Variants in NUP133 observed in about 807,000 individuals in gnomAD.
The protein encoded by NUP133 is nuclear pore complex protein Nup133.
NUP133 carries 66 observed loss-of-function variants against 146.2 expected under a neutral mutation model. That is an observed-to-expected ratio of 0.45 (90% CI 0.37 to 0.55). The LOEUF is 0.55. NUP133 is among the 20% of genes least tolerant of loss of function. The pLI is 0.00. For synonymous variants in NUP133, 521 were observed against 498.8 expected (o/e 1.04, Z -0.59); for missense variants, 1,277 against 1,374.8 (o/e 0.93, Z 1.12).
intron 13 of NUP133, 110 bp from the exon 14 acceptor site, chr1:229,475,842 G>A: frequency 1.2e-6 from 1 of 823,810 alleles, no homozygotes; most frequent in Non-Finnish European, 2.0e-6. Flanking sequence ...AGGCACGGTG[G>A]CTCACACCTG....
intron 19 of NUP133, among the ~76,000 whole-genome samples, chr1:229,461,336 G>C (rs191662238): frequency 1.3e-5 from 2 of 152,342 alleles, no homozygotes; most frequent in East Asian, 3.9e-4. Flanking sequence ...GGGTGGTGTG[G>C]AGGCTGAGCT....
rs781272764 is a variant in NUP133, at chr1:229,465,426, A to G, written c.2293T>C (p.Trp765Arg). The change falls in exon 17 of 26, where the codon TGG becomes CGG. Residue 765 changes from tryptophan (W) to arginine (R), a missense_variant. Coordinates refer to ENST00000261396, the MANE Select transcript of NUP133 (RefSeq NM_018230.3). The stretch of plus-strand genomic sequence containing the variant: ...TAATAAATCAGTATATTACCCGTCC[A>G]TGGAACATATTCAGGTTCTTTTTCT... ...SLEKEPEYVP[W>R]TATSGPGGIR... 1 of 1,602,716 alleles carries G rather than the reference A, an allele frequency of 6.2e-7. No individual in the cohort carries two copies. The highest frequency in any genetic ancestry group is 8.5e-7 in the Non-Finnish European group (1 of 1,169,782).
chr1:229,470,098 T>C (rs1193825337), intron 15 of NUP133, among the ~76,000 whole-genome samples: 3 of 152,094 alleles, frequency 2.0e-5, no homozygotes, highest in Non-Finnish European at 4.4e-5. Context: ...AGCTCACGCC[T>C]GTAATCCCAG....
intron 9 of NUP133, among the ~76,000 whole-genome samples, chr1:229,488,131 C>T (rs1007921248): frequency 6.6e-6 from 1 of 152,094 alleles, no homozygotes; most frequent in African/African-American, 2.4e-5. Flanking sequence ...CAGGCGTGAG[C>T]CACCGCACCT....
At chr1:229,450,381 T>C (rs1660420695) in intron 23 of NUP133, 144 bp downstream of exon 23, 1 of 445,910 alleles carries the variant, frequency 2.2e-6, no homozygotes, top group Admixed American at 4.4e-5. Flanking sequence ...GAAGAGTTGT[T>C]TACATTCTAA....
chr1:229,451,405 TAA>T (rs35510293), intron 22 of NUP133, among the ~76,000 whole-genome samples: 1 of 150,794 alleles, frequency 6.6e-6, no homozygotes, highest in Admixed American at 6.6e-5. Context: ...ATCTTGTCTC[TAA>T]AAAAAAATTG....
chr1:229,487,541 T>C lies in NUP133; in HGVS notation c.1267A>G (p.Ser423Gly). The change falls in exon 10 of 26, where the codon AGT becomes GGT. Residue 423 changes from serine (S) to glycine (G), a missense_variant. By Grantham distance (56) the Ser-to-Gly change is moderately conservative. Around this residue, in one of 3 missense-constraint regions of NUP133, gnomAD observed 952 missense variants for 1,047.0 expected, o/e 0.91. Coordinates refer to ENST00000261396, the MANE Select transcript of NUP133 (RefSeq NM_018230.3). ...SNQTAYLYNESAVYVCSTGTG... is the reference protein window; with the variant it reads ...SNQTAYLYNEGAVYVCSTGTG... ...CCTGTGGAGCACACATAGACAGCAC[T>C]TTCGTTATACAGATAGGCAGTCTGG... The C allele has an allele frequency of 1.2e-6, 2 of 1,613,812 alleles. No individual in the cohort carries two copies. The highest frequency in any genetic ancestry group is 1.7e-6 in the Non-Finnish European group (2 of 1,179,836).
intron 8 of NUP133, 131 bp downstream of exon 8, chr1:229,495,364 C>T: frequency 1.5e-6 from 1 of 660,854 alleles, no homozygotes; most frequent in Non-Finnish European, 2.6e-6. Flanking sequence ...GTATTCCAGC[C>T]CGGGTGATAG....
intron 5 of NUP133, 56 bp from the exon 6 acceptor site, chr1:229,498,362 T>C (rs1661710408): frequency 1.0e-5 from 13 of 1,273,364 alleles, no homozygotes; most frequent in Non-Finnish European, 1.4e-5. Context: ...TAAGATAAAA[T>C]GAAAAATTCT....
At position 229,442,039 on chromosome 1, in the gene NUP133, G is replaced by A; in HGVS notation, c.3336C>T (p.Gly1112=). ...CCGGTAAGTACTCACTGAGCTGAAT[G>A]CCTATAAACACAAACACAAGAAGTC... ...VKILQKLLKD[G]IQLSEYLPEV... The change falls in exon 26 of 26, where the codon GGC becomes GGT. Residue 1112 remains glycine, a splice_region_variant and synonymous_variant. Coordinates refer to ENST00000261396, the MANE Select transcript of NUP133 (RefSeq NM_018230.3). 1 of 1,557,396 alleles carries A rather than the reference G, an allele frequency of 6.4e-7. No individual in the cohort carries two copies.
At position 229,508,094 on chromosome 1, in the gene NUP133, G is replaced by T; in HGVS notation, c.156C>A (p.Val52=). The change falls in exon 1 of 26, where the codon GTC becomes GTA. Residue 52 remains valine, a synonymous_variant. Coordinates refer to ENST00000261396, the MANE Select transcript of NUP133 (RefSeq NM_018230.3). ...GCGAGCTTAGCGAGCTACGCCGGCC[G>T]ACCGGCGAGAAGAGCACTGGGGAGC... ...AVSSPVLFSP[V]GRRSSLSSRG... The T allele has an allele frequency of 6.6e-7, 1 of 1,504,920 alleles. No homozygotes were observed. The allele number at this position is 1,504,920 out of a possible 1,614,324, so 93.2% of individuals were successfully genotyped here.
At chr1:229,461,116 G>A (rs537512193) in intron 19 of NUP133, among the ~76,000 whole-genome samples, 1 of 152,286 alleles carries the variant, frequency 6.6e-6, no homozygotes, top group South Asian at 2.1e-4. Context: ...CATTTCAAGT[G>A]CTCAGTAGCC....
intron 24 of NUP133, among the ~76,000 whole-genome samples, chr1:229,447,766 A>G (rs1660343467): frequency 6.6e-6 from 1 of 152,196 alleles, no homozygotes; most frequent in African/African-American, 2.4e-5. Context: ...TGGAAGTTCC[A>G]AGCCCCTTCC....
chr1:229,468,491 C>A (rs192369171), intron 15 of NUP133, among the ~76,000 whole-genome samples: 2 of 152,202 alleles, frequency 1.3e-5, no homozygotes, highest in East Asian at 3.9e-4. Context: ...CTAAACATTA[C>A]CATTTTTCAT....
In NUP133 at chr1:229,488,005, G is replaced by A. The variant is rs571760662; in HGVS notation, c.1195-392C>T. Among the ~76,000 whole-genome samples the A allele has an allele frequency of 5.8e-3, 882 of 151,764 alleles. 8 individuals carry two copies. Among genetic ancestry groups the A allele is most frequent in the African/African-American group, 0.019 (805 of 41,374 alleles). The stretch of plus-strand genomic sequence containing the variant: ...ATTACAGGTGCATGCTACCATGCCC[G>A]GCTAATTTTTTTGTATCTTTAGTAG... On this transcript the variant is annotated intron_variant, in intron 9 of 25. Transcript: ENST00000261396.
Position 229,449,231 on chromosome 1 carries a change from T to C in NUP133, c.3181-41A>G. ...AAAAAAATCCTGATTAAATCCTGGC[T>C]CTGAAAGAAATACATGCCTAAATTT... On this transcript the variant is annotated intron_variant, in intron 23 of 25. Transcript: ENST00000261396. 2 of 1,372,316 alleles carry C rather than the reference T, an allele frequency of 1.5e-6. 1 individual carries two copies. The highest frequency in any genetic ancestry group is 2.4e-5 in the South Asian group (2 of 81,782). The allele number at this position is 1,372,316 out of a possible 1,614,324, so 85.0% of individuals were successfully genotyped here.
At chr1:229,495,654 C>T in intron 7 of NUP133, 89 bp from the exon 8 acceptor site, 1 of 1,020,686 alleles carries the variant, frequency 9.8e-7, no homozygotes, top group Non-Finnish European at 1.5e-6. Flanking sequence ...TGAAGTGCTT[C>T]ACCCATAACT....
At chr1:229,506,414 T>C (rs1479472126) in intron 1 of NUP133, among the ~76,000 whole-genome samples, 1 of 150,454 alleles carries the variant, frequency 6.6e-6, no homozygotes, top group Non-Finnish European at 1.5e-5. Context: ...TAATTCTGCC[T>C]CCTTAGCTGT....
At position 229,463,690 on chromosome 1, in the gene NUP133, A is replaced by G. The variant is rs772242691; in HGVS notation, c.2552-14T>C. On this transcript the variant is annotated splice_polypyrimidine_tract_variant and intron_variant, in intron 18 of 25. Coordinates refer to ENST00000261396, the MANE Select transcript of NUP133 (RefSeq NM_018230.3). ...GGCCTAGTGAAACTGTGGGAATGAGAAAAGATGGGAAAAAATCCTGTTAGC... is the reference window on the plus strand; with the variant it reads ...GGCCTAGTGAAACTGTGGGAATGAGGAAAGATGGGAAAAAATCCTGTTAGC... 8 of 1,575,828 alleles carry G rather than the reference A, an allele frequency of 5.1e-6. No homozygotes were observed. The highest frequency in any genetic ancestry group is 6.9e-6 in the Non-Finnish European group (8 of 1,167,558).
Sources: allele counts gnomAD v4.1 joint callset (sites outside exome capture counted in the v4.1 genomes callset), GRCh38; gene constraint gnomAD v4.1.1; regional missense constraint gnomAD v4.1.1; transcripts MANE v1.5; gene names NCBI Gene and HGNC (gene_info 2026-07-23, HGNC 2026-07-21).